SLC39A11: variants seen among roughly 807,000 people sequenced by gnomAD.
The protein encoded by SLC39A11 is solute carrier family 39 member 11.
In SLC39A11, 33 loss-of-function variants were observed where a neutral mutation model predicts 36.1. The observed-to-expected ratio is 0.91, with a 90% CI of 0.69 to 1.22. SLC39A11 has a LOEUF of 1.22. SLC39A11 is among the 50% of genes most tolerant of loss of function. SLC39A11 has a pLI of 0.00. For missense variants in SLC39A11, 432 were observed against 430.3 expected (o/e 1.00, Z -0.03); for synonymous variants, 166 against 170.3 (o/e 0.97, Z 0.20).
chr17:73,057,888 G>GATC (rs776314719), intron 3 of SLC39A11, among the ~76,000 whole-genome samples: 2 of 152,186 alleles, frequency 1.3e-5, no homozygotes, highest in Non-Finnish European at 2.9e-5. Context: ...AGTGAGCCAA[G>GATC]ATCGTGCCAC....
At chr17:73,055,359 T>C (rs924943581) in intron 3 of SLC39A11, among the ~76,000 whole-genome samples, 14 of 152,010 alleles carry the variant, frequency 9.2e-5, no homozygotes, top group African/African-American at 3.4e-4. Flanking sequence ...GTCTGCACAA[T>C]TGAGTCTCAC....
chr17:72,950,989 C>T (rs2085819278), intron 4 of SLC39A11, among the ~76,000 whole-genome samples: 1 of 151,970 alleles, frequency 6.6e-6, no homozygotes, highest in Non-Finnish European at 1.5e-5. Context: ...GGGCCAGGCA[C>T]AGTGGCTCAT....
At chr17:72,791,706 T>C (rs1258964910) in intron 6 of SLC39A11, among the ~76,000 whole-genome samples, 1 of 152,204 alleles carries the variant, frequency 6.6e-6, no homozygotes, top group African/African-American at 2.4e-5. Flanking sequence ...GAGAGGTGAT[T>C]AGATCATGGA....
intron 5 of SLC39A11, among the ~76,000 whole-genome samples, chr17:72,927,227 T>G (rs2084101302): frequency 7.3e-6 from 1 of 136,696 alleles, no homozygotes; most frequent in Admixed American, 7.7e-5. Flanking sequence ...TTATTTTTAT[T>G]TTTGGTAGAG....
At chr17:73,031,420 G>T in intron 4 of SLC39A11, 136 bp downstream of exon 4, 2 of 910,698 alleles carry the variant, frequency 2.2e-6, no homozygotes, top group Non-Finnish European at 3.3e-6. Flanking sequence ...TTCCTCTAAT[G>T]CCTTGTTCTC....
At chr17:72,925,345 T>A (rs2083979857) in intron 5 of SLC39A11, among the ~76,000 whole-genome samples, 1 of 152,106 alleles carries the variant, frequency 6.6e-6, no homozygotes, top group South Asian at 2.1e-4. Flanking sequence ...CTTCCATGAG[T>A]CAGAAATGAA....
chr17:72,859,270 G>A (rs1027680778), intron 5 of SLC39A11, among the ~76,000 whole-genome samples: 1 of 152,194 alleles, frequency 6.6e-6, no homozygotes, highest in Non-Finnish European at 1.5e-5. Flanking sequence ...CCTTGCTAGG[G>A]TTGCCAGATT....
At chr17:72,964,677 T>A (rs1466177252) in intron 4 of SLC39A11, among the ~76,000 whole-genome samples, 1 of 152,126 alleles carries the variant, frequency 6.6e-6, no homozygotes, top group Non-Finnish European at 1.5e-5. Context: ...GTTCAACCAT[T>A]GTGGAAGACA....
rs116297295 is a variant in SLC39A11, at chr17:72,869,274, T to A, written c.431-19470A>T. Among the ~76,000 whole-genome samples the A allele has an allele frequency of 1.4e-3, 209 of 152,376 alleles. 1 individual carries two copies. Among genetic ancestry groups the A allele is most frequent in the African/African-American group, 4.9e-3 (203 of 41,602 alleles). On this transcript the variant is annotated intron_variant, in intron 5 of 9. Coordinates refer to ENST00000255559, the MANE Select transcript of SLC39A11 (RefSeq NM_139177.4). ...TTGACAAGGTGTCCATCTGGAAGCA[T>A]CTGGGACAGAGTCAGCTTCTCAAAC...
intron 4 of SLC39A11, among the ~76,000 whole-genome samples, chr17:73,001,324 C>T (rs2089808193): frequency 6.9e-6 from 1 of 144,970 alleles, no homozygotes; most frequent in African/African-American, 2.6e-5. Context: ...CTATCTGGAA[C>T]TAGAACCTGA....
intron 6 of SLC39A11, among the ~76,000 whole-genome samples, chr17:72,767,931 G>A (rs568912300): frequency 4.6e-5 from 7 of 151,922 alleles, no homozygotes; most frequent in African/African-American, 9.7e-5. Flanking sequence ...CAAATCAATC[G>A]CATCCAAAGC....
chr17:72,974,391 C>T (rs2087687793), intron 4 of SLC39A11, among the ~76,000 whole-genome samples: 2 of 146,212 alleles, frequency 1.4e-5, no homozygotes, highest in South Asian at 4.3e-4. Flanking sequence ...TGAGCCACCA[C>T]ACCCGGCCTA....
chr17:72,797,840 T>TG (rs1568109599), intron 6 of SLC39A11, among the ~76,000 whole-genome samples: 1 of 152,120 alleles, frequency 6.6e-6, no homozygotes, highest in African/African-American at 2.4e-5. Context: ...TGCTTCGTGC[T>TG]GGGGGGCACT....
chr17:72,732,040 CT>C (rs764728558), intron 7 of SLC39A11, among the ~76,000 whole-genome samples: 737 of 33,594 alleles, frequency 0.022, 1 homozygote, highest in African/African-American at 0.081. Context: ...CTTTTCTTTT[CT>C]TTTTTTTTTT....
At chr17:72,666,736 G>C (rs1250533088) in intron 7 of SLC39A11, among the ~76,000 whole-genome samples, 1 of 152,126 alleles carries the variant, frequency 6.6e-6, no homozygotes, top group Admixed American at 6.5e-5. Flanking sequence ...GAGTTTTCAG[G>C]GCTCGTGAGA....
intron 5 of SLC39A11, among the ~76,000 whole-genome samples, chr17:72,850,025 C>T (rs760638934): frequency 1.3e-4 from 19 of 149,560 alleles, no homozygotes; most frequent in Non-Finnish European, 2.8e-4. Context: ...TCCCAAGTAG[C>T]TGGGACTGCC....
chr17:72,815,848 G>C (rs755231813), intron 6 of SLC39A11, among the ~76,000 whole-genome samples: 3 of 152,128 alleles, frequency 2.0e-5, no homozygotes, highest in Non-Finnish European at 4.4e-5. Flanking sequence ...TTGAACCTGG[G>C]AGGTGGAGGC....
rs201428795 is a variant in SLC39A11 at position 72,900,153 on chromosome 17, AAAAGAAAGAAAGAAAGAAAGAAAG to A, written c.430+47575_430+47598del. Among the ~76,000 whole-genome samples, 111 of 61,328 alleles carry A rather than the reference AAAAGAAAGAAAGAAAGAAAGAAAG, an allele frequency of 1.8e-3. 6 individuals are homozygous for A. The Middle Eastern group carries it at 0.022, about 12-fold the overall frequency. The allele number at this position is 61,328 out of a possible 152,430, so 40.2% of individuals were successfully genotyped here. A position where few individuals can be genotyped will look rare whatever the true frequency, so the allele number is the denominator to read the frequency against. The stretch of plus-strand genomic sequence containing the variant: ...AAGAAAGAAAGAAAAAGAAAGAAAG[AAAAGAAAGAAAGAAAGAAAGAAAG>A]AAAGAAAGAAAGAAAGAAAGAAAGA... On this transcript the variant is annotated intron_variant, in intron 5 of 9. Coordinates refer to ENST00000255559, the MANE Select transcript of SLC39A11 (RefSeq NM_139177.4).
chr17:72,769,773 G>C (rs200592399), intron 6 of SLC39A11, among the ~76,000 whole-genome samples: 2 of 152,100 alleles, frequency 1.3e-5, no homozygotes, highest in East Asian at 3.9e-4. Context: ...TCAATCTTTT[G>C]ACCTTGTGAT....
Sources: gnomAD v4.1 joint callset for allele counts (sites outside exome capture counted in the v4.1 genomes callset) on GRCh38, gnomAD v4.1.1 for gene constraint, MANE v1.5 for transcripts, NCBI Gene and HGNC (gene_info 2026-07-23, HGNC 2026-07-21) for gene names.